Variants in PRR11 observed in about 807,000 individuals in gnomAD.
PRR11 encodes proline-rich protein 11.
PRR11 carries 30 observed loss-of-function variants against 45.6 expected under a neutral mutation model. The ratio of observed to expected loss-of-function variants is 0.66; its 90% CI spans 0.49 to 0.89. PRR11 has a LOEUF of 0.89. Among genes scored for constraint, PRR11 ranks in the 40% least tolerant of loss-of-function variants. PRR11 has a pLI of 0.00. For synonymous variants in PRR11, 128 were observed against 153.5 expected, an observed-to-expected ratio of 0.83 and a Z score of 1.23; for missense variants, 373 against 424.8, an observed-to-expected ratio of 0.88 and a Z score of 1.07.
At chr17:59,187,991 C>G (rs2046822236) in intron 4 of PRR11, among the ~76,000 whole-genome samples, 1 of 152,066 alleles carries the variant, frequency 6.6e-6, no homozygotes, top group Non-Finnish European at 1.5e-5. Flanking sequence ...TCCTACTACC[C>G]CTATTAAGGC....
chr17:59,181,486 G>T lies in PRR11; in HGVS notation c.129-3568G>T, dbSNP rs1165992875. 3 of 1,109,002 alleles carry T rather than the reference G, an allele frequency of 2.7e-6. No homozygotes were observed. The Admixed American group carries it at 5.3e-5, about 20-fold the overall frequency. The allele number at this position is 1,109,002 out of a possible 1,614,324, so 68.7% of individuals were successfully genotyped here. The stretch of plus-strand genomic sequence containing the variant: ...TCGTTTTTAAAAGAACAGGATTGGA[G>T]GTGCTCTCTGGGGTGTCCTCCTACC... On this transcript the variant is annotated intron_variant, in intron 2 of 9. Transcript: ENST00000262293.
intron 4 of PRR11, 59 bp from the exon 5 acceptor site, chr17:59,193,433 C>A: frequency 6.3e-7 from 1 of 1,599,560 alleles, no homozygotes; most frequent in Non-Finnish European, 8.6e-7. Context: ...TGATGACTCT[C>A]ACCCTCAAGA....
intron 4 of PRR11, among the ~76,000 whole-genome samples, chr17:59,191,127 T>G (rs978292717): frequency 6.6e-5 from 10 of 152,156 alleles, no homozygotes; most frequent in Admixed American, 5.2e-4. Context: ...TCCTCTTTAC[T>G]GCATGATTTC....
rs776554263 is a variant in PRR11, at chr17:59,193,753, ATGATATGTTT to A, written c.645+32_645+41del. Reference sequence around the variant, plus strand: ...ACTTCAGGTAGGTAACAATCTAGTAATGATATGTTTTGATATGTTTTGGTGAGTGTGTAAT... The same window carrying A: ...ACTTCAGGTAGGTAACAATCTAGTAATGATATGTTTTGGTGAGTGTGTAAT... On this transcript the variant is annotated intron_variant, in intron 5 of 9. Transcript: ENST00000262293. The A allele has an allele frequency of 3.7e-6, 6 of 1,610,968 alleles. No individual in the cohort carries two copies. The highest frequency in any genetic ancestry group is 5.1e-6 in the Non-Finnish European group (6 of 1,177,462).
chr17:59,186,381 ATTTTTT>A (rs59082405), intron 4 of PRR11, among the ~76,000 whole-genome samples: 2 of 84,666 alleles, frequency 2.4e-5, no homozygotes, highest in African/African-American at 8.5e-5. Context: ...GCTGTTTGTA[ATTTTTT>A]TTTTTTTTTT....
intron 4 of PRR11, among the ~76,000 whole-genome samples, chr17:59,186,349 A>C (rs1202980198): frequency 6.7e-6 from 1 of 149,620 alleles, no homozygotes; most frequent in East Asian, 1.9e-4. Context: ...TTAAAGCAGA[A>C]GATCTGAAAA....
At position 59,201,913 on chromosome 17, in the gene PRR11, G is replaced by T; in HGVS notation, c.*282G>T. On this transcript the variant is annotated 3_prime_UTR_variant, in exon 10 of 10. Transcript: ENST00000262293. ...TTGAACCCAAGAGGCAGAGGTTGCA[G>T]TGAGCCAAGATCGCGTCATTGCACT... 2 of 352,986 alleles carry T rather than the reference G, an allele frequency of 5.7e-6. No homozygotes were observed. Among genetic ancestry groups the T allele is most frequent in the Non-Finnish European group, 5.4e-6 (1 of 185,960 alleles). 21.9% of individuals were successfully genotyped at this position (352,986 alleles called of 1,614,324 possible).
intron 2 of PRR11, among the ~76,000 whole-genome samples, chr17:59,172,570 C>T (rs886824026): frequency 1.1e-4 from 17 of 152,240 alleles, no homozygotes; most frequent in Non-Finnish European, 7.3e-5. Context: ...GCTTGCATGC[C>T]AGCTTGAGTT....
chr17:59,179,442 C>G (rs1309544957), intron 2 of PRR11, among the ~76,000 whole-genome samples: 3 of 152,150 alleles, frequency 2.0e-5, no homozygotes, highest in Non-Finnish European at 2.9e-5. Flanking sequence ...TGGCCCAAAA[C>G]CAAGCTTTCT....
chr17:59,182,455 A>T (rs1663691239), intron 2 of PRR11, among the ~76,000 whole-genome samples: 1 of 144,296 alleles, frequency 6.9e-6, no homozygotes, highest in South Asian at 2.2e-4. Flanking sequence ...GCGGTAGCAC[A>T]ATCTTGGCTC....
rs2046899874 is a variant in PRR11 at position 59,202,983 on chromosome 17, A to G, written c.*1352A>G. The G allele has an allele frequency of 1.3e-5, 2 of 152,086 alleles. No individual in the cohort carries two copies. Among genetic ancestry groups the G allele is most frequent in the Admixed American group, 6.6e-5 (1 of 15,252 alleles). The allele number at this position is 152,086 out of a possible 1,614,324, so 9.4% of individuals were successfully genotyped here. A position where few individuals can be genotyped will look rare whatever the true frequency, so the allele number is the denominator to read the frequency against. On this transcript the variant is annotated 3_prime_UTR_variant, in exon 10 of 10. Coordinates refer to ENST00000262293, the MANE Select transcript of PRR11 (RefSeq NM_018304.4). ...CAAGAGTTTGAAGCTATGGTGAGCT[A>G]TGATTGTTCCACTATACTCCAGCAT...
At chr17:59,187,080 T>C (rs1192035953) in intron 4 of PRR11, among the ~76,000 whole-genome samples, 2 of 152,018 alleles carry the variant, frequency 1.3e-5, no homozygotes, top group African/African-American at 4.8e-5. Flanking sequence ...ATCCCAGCAG[T>C]TTGGGAGGCC....
chr17:59,168,820 A>C (rs2046692257), intron 1 of PRR11, among the ~76,000 whole-genome samples: 1 of 152,182 alleles, frequency 6.6e-6, no homozygotes, highest in African/African-American at 2.4e-5. Flanking sequence ...AACATGGAAG[A>C]CTTACAGGTT....
intron 2 of PRR11, chr17:59,179,794 C>T (rs888534441): frequency 1.9e-5 from 26 of 1,360,912 alleles, no homozygotes; most frequent in Middle Eastern, 2.5e-4. Flanking sequence ...GCTCCTCCTC[C>T]GATGACTCCT....
At chr17:59,187,212 TAAAATAAAATA>T (rs1380914912) in intron 4 of PRR11, among the ~76,000 whole-genome samples, 3 of 151,156 alleles carry the variant, frequency 2.0e-5, no homozygotes, top group Non-Finnish European at 3.0e-5. Context: ...GTCTCAAAAA[TAAAATAAAATA>T]AAAATAAAAT....
At position 59,202,612 on chromosome 17, in the gene PRR11, G is replaced by A. The variant is rs1033179830; in HGVS notation, c.*981G>A. 6.6e-6 allele frequency: 1 copy of A among 152,010 alleles called. No homozygotes were observed. Among genetic ancestry groups the A allele is most frequent in the African/African-American group, 2.4e-5 (1 of 41,398 alleles). 9.4% of individuals were successfully genotyped at this position (152,010 alleles called of 1,614,324 possible). On this transcript the variant is annotated 3_prime_UTR_variant, in exon 10 of 10. Transcript: ENST00000262293. Reference sequence around the variant, plus strand: ...TTAGAATATCATTTCTAGCATCTTAGGTAGGTACTTATATCTGGCTTACAG... The same window carrying A: ...TTAGAATATCATTTCTAGCATCTTAAGTAGGTACTTATATCTGGCTTACAG...
intron 2 of PRR11, among the ~76,000 whole-genome samples, chr17:59,184,600 TGGTA>T (rs1374849201): frequency 6.6e-6 from 1 of 152,152 alleles, no homozygotes; most frequent in Non-Finnish European, 1.5e-5. Context: ...GAAGTCCCAT[TGGTA>T]GGAAGCTCTG....
At chr17:59,185,941 A>G (rs12948864) in intron 4 of PRR11, among the ~76,000 whole-genome samples, 15,290 of 152,174 alleles carry the variant, frequency 0.1, 1,029 homozygotes, top group South Asian at 0.26. Context: ...GTGGCAGTGA[A>G]CAGTTCAGCT....
intron 3 of PRR11, 84 bp from the exon 4 acceptor site, chr17:59,185,352 AACAT>A: frequency 6.5e-7 from 1 of 1,533,754 alleles, no homozygotes; most frequent in Non-Finnish European, 8.8e-7. Context: ...CTTCTATAAA[AACAT>A]ACATCAAGTC....
Sources: gnomAD v4.1 joint callset for allele counts (sites outside exome capture counted in the v4.1 genomes callset) on GRCh38, gnomAD v4.1.1 for gene constraint, MANE v1.5 for transcripts, NCBI Gene and HGNC (gene_info 2026-07-23, HGNC 2026-07-21) for gene names.